The following SPIDR variants were observed in gnomAD, a reference collection of about 807,000 sequenced individuals.
SPIDR encodes DNA repair-scaffolding protein.
A neutral mutation model predicts 104.6 loss-of-function variants in SPIDR; 93 were observed. The observed-to-expected ratio is 0.89, with a 90% confidence interval of 0.75 to 1.06. The LOEUF (loss-of-function observed/expected upper bound fraction) is 1.06. SPIDR is among the 50% of genes least tolerant of loss of function. The pLI is 0.00. For missense variants in SPIDR, 1,154 were observed against 1,111.2 expected (o/e 1.04, Z -0.55); for synonymous variants, 431 against 416.9 (o/e 1.03, Z -0.41).
chr8:47,388,222 C>T (rs952912131), intron 5 of SPIDR: 4 of 152,110 alleles, frequency 2.6e-5, no homozygotes, highest in Non-Finnish European at 5.9e-5. Flanking sequence ...CTTATATCTG[C>T]TTTATTTTAT....
At chr8:47,363,588 T>C (rs1554632048) in intron 5 of SPIDR, among the ~76,000 whole-genome samples, 1 of 152,014 alleles carries the variant, frequency 6.6e-6, no homozygotes, top group East Asian at 1.9e-4. Flanking sequence ...GCTCTGGCAG[T>C]GATCTCTGGG....
chr8:47,470,899 TA>T (rs1232565882), intron 8 of SPIDR, among the ~76,000 whole-genome samples: 1 of 152,010 alleles, frequency 6.6e-6, no homozygotes, highest in Non-Finnish European at 1.5e-5. Context: ...CACGCCCAGC[TA>T]ATTTTTTGTA....
At chr8:47,395,826 G>T (rs2061187409) in intron 5 of SPIDR, among the ~76,000 whole-genome samples, 1 of 152,076 alleles carries the variant, frequency 6.6e-6, no homozygotes, top group Non-Finnish European at 1.5e-5. Context: ...TTCTTAAATA[G>T]TTCCTGTTGG....
intron 1 of SPIDR, among the ~76,000 whole-genome samples, chr8:47,266,186 A>G (rs2033975561): frequency 1.3e-5 from 2 of 148,788 alleles, no homozygotes; most frequent in South Asian, 4.3e-4. Context: ...CTGGAGTGCA[A>G]TAGCGCGATC....
chr8:47,614,852 C>T (rs2064084479), intron 10 of SPIDR, among the ~76,000 whole-genome samples: 1 of 152,186 alleles, frequency 6.6e-6, no homozygotes, highest in Admixed American at 6.5e-5. Context: ...CACAGCCTCA[C>T]CAGCATCTGT....
intron 5 of SPIDR, among the ~76,000 whole-genome samples, chr8:47,373,660 C>G (rs1209678291): frequency 2.0e-5 from 3 of 152,032 alleles, no homozygotes; most frequent in African/African-American, 7.3e-5. Flanking sequence ...ATTAAGTCAT[C>G]CATCGTCTTT....
At chr8:47,444,282 A>G (rs2070095815) in intron 8 of SPIDR, among the ~76,000 whole-genome samples, 1 of 152,224 alleles carries the variant, frequency 6.6e-6, no homozygotes, top group African/African-American at 2.4e-5. Context: ...CTGCCTGATT[A>G]CATCCTGCCA....
chr8:47,366,677 AAG>A (rs1491362176), intron 5 of SPIDR, among the ~76,000 whole-genome samples: 1 of 152,224 alleles, frequency 6.6e-6, no homozygotes, highest in Non-Finnish European at 1.5e-5. Context: ...AAATCTGAGA[AAG>A]GGGGAGGATA....
In SPIDR at chr8:47,335,854, A is replaced by G. The variant is rs143813375; in HGVS notation, c.525+41824A>G. 3.5e-3 allele frequency among the ~76,000 whole-genome samples: 530 copies of G among 151,600 alleles called. 2 individuals are homozygous for G. Among genetic ancestry groups the G allele is most frequent in the African/African-American group, 0.012 (499 of 41,320 alleles). On this transcript the variant is annotated intron_variant, in intron 5 of 19. Coordinates refer to ENST00000297423, the MANE Select transcript of SPIDR (RefSeq NM_001080394.4). ...AAATAAGGTGTTTTCACCCCCTTCA[A>G]CTTCCTTCAGAAATTTGTTTTTGTT...
At chr8:47,476,207 G>A (rs2076274158) in intron 8 of SPIDR, among the ~76,000 whole-genome samples, 1 of 152,170 alleles carries the variant, frequency 6.6e-6, no homozygotes, top group Admixed American at 6.5e-5. Flanking sequence ...GGTCTGTTGT[G>A]TCTACGCTCC....
At chr8:47,690,381 A>C (rs541348234) in intron 11 of SPIDR, among the ~76,000 whole-genome samples, 1 of 151,704 alleles carries the variant, frequency 6.6e-6, no homozygotes, top group East Asian at 1.9e-4. Context: ...ACTAAATTAT[A>C]CTACTTGATA....
intron 8 of SPIDR, among the ~76,000 whole-genome samples, chr8:47,535,978 A>G (rs973061558): frequency 6.6e-6 from 1 of 152,126 alleles, no homozygotes; most frequent in Non-Finnish European, 1.5e-5. Context: ...AGGCTGCAGA[A>G]TATGTTAATA....
intron 8 of SPIDR, among the ~76,000 whole-genome samples, chr8:47,583,130 C>T (rs987572765): frequency 2.9e-5 from 4 of 138,044 alleles, no homozygotes; most frequent in African/African-American, 9.9e-5. Context: ...AACCCTGTCT[C>T]TACTAAAAAT....
At chr8:47,550,768 C>A (rs938527011) in intron 8 of SPIDR, among the ~76,000 whole-genome samples, 5 of 152,182 alleles carry the variant, frequency 3.3e-5, no homozygotes, top group Non-Finnish European at 7.3e-5. Flanking sequence ...ATTTCTTTCT[C>A]TTTCCTGATT....
chr8:47,458,081 T>G (rs565290911), intron 8 of SPIDR, among the ~76,000 whole-genome samples: 2 of 151,658 alleles, frequency 1.3e-5, no homozygotes, highest in South Asian at 4.1e-4. Context: ...TGTGGGCTCT[T>G]TGGTAAATTT....
At chr8:47,501,641 C>A (rs2080456232) in intron 8 of SPIDR, among the ~76,000 whole-genome samples, 1 of 152,152 alleles carries the variant, frequency 6.6e-6, no homozygotes, top group African/African-American at 2.4e-5. Flanking sequence ...TTATTTCTTT[C>A]TCCTGCCTGA....
At chr8:47,627,304 G>T (rs2066322857) in intron 10 of SPIDR, among the ~76,000 whole-genome samples, 1 of 151,846 alleles carries the variant, frequency 6.6e-6, no homozygotes, top group South Asian at 2.1e-4. Flanking sequence ...CAAGTTAATG[G>T]GTGCAGCACA....
At chr8:47,634,753 A>G (rs1162870715) in intron 10 of SPIDR, among the ~76,000 whole-genome samples, 1 of 152,214 alleles carries the variant, frequency 6.6e-6, no homozygotes, top group Non-Finnish European at 1.5e-5. Flanking sequence ...CCCCTGGCTC[A>G]GAGCCTGTAC....
chr8:47,708,022 G>A (rs937438193), intron 14 of SPIDR, among the ~76,000 whole-genome samples: 5 of 152,116 alleles, frequency 3.3e-5, no homozygotes, highest in Non-Finnish European at 5.9e-5. Flanking sequence ...TTCCTGGGCC[G>A]GACACGGTGG....
Sources: allele counts gnomAD v4.1 joint callset (sites outside exome capture counted in the v4.1 genomes callset), GRCh38; gene constraint gnomAD v4.1.1; transcripts MANE v1.5; gene names NCBI Gene and HGNC (gene_info 2026-07-23, HGNC 2026-07-21).